The following MCTP1 variants were observed in gnomAD, a reference collection of about 807,000 sequenced individuals.
The protein encoded by MCTP1 is multiple C2 and transmembrane domain containing 1, also known as multiple C2 and transmembrane domain-containing protein 1.
In MCTP1, 69 loss-of-function variants were observed where a neutral mutation model predicts 120.6. The observed-to-expected ratio is 0.57, with a 90% CI of 0.47 to 0.70. MCTP1 has a LOEUF of 0.70. Ranked by LOEUF, MCTP1 falls within the 30% of genes least tolerant of loss-of-function variation. The pLI is 0.00. For missense variants in MCTP1, 1,203 were observed against 1,248.8 expected (o/e 0.96, Z 0.55); for synonymous variants, 529 against 493.1 (o/e 1.07, Z -0.96).
chr5:94,844,298 T>C (rs1791798165), intron 17 of MCTP1, among the ~76,000 whole-genome samples: 1 of 21,082 alleles, frequency 4.7e-5, no homozygotes, highest in African/African-American at 1.1e-4. Context: ...TGAGACTCTG[T>C]CTCAAAAAAA....
At chr5:95,233,959 T>C (rs1174579289) in intron 1 of MCTP1, among the ~76,000 whole-genome samples, 1 of 150,872 alleles carries the variant, frequency 6.6e-6, no homozygotes, top group Non-Finnish European at 1.5e-5. Flanking sequence ...AAAAGCTAGG[T>C]TTTTGAGACT....
intron 1 of MCTP1, among the ~76,000 whole-genome samples, chr5:95,201,463 G>GTTTTTTTTTTTTTTTT: frequency 1.7e-5 from 2 of 120,682 alleles, no homozygotes; most frequent in Non-Finnish European, 3.5e-5. Context: ...AAGGAAAAGT[G>GTTTTTTTTTTTTTTTT]GTTTTTTTTT....
intron 21 of MCTP1, 161 bp from the exon 22 acceptor site, chr5:94,708,770 T>C (rs1161357727): frequency 3.6e-6 from 2 of 552,608 alleles, no homozygotes; most frequent in Admixed American, 3.1e-5. Flanking sequence ...CCAGCTCAAC[T>C]GCTTTTTTTA....
intron 1 of MCTP1, among the ~76,000 whole-genome samples, chr5:95,026,412 G>C (rs895298491): frequency 3.2e-4 from 49 of 151,412 alleles, no homozygotes; most frequent in Non-Finnish European, 5.9e-4. Context: ...ACTACTTTTT[G>C]TACCCATTAA....
At chr5:95,095,556 A>G (rs1272715129) in intron 1 of MCTP1, among the ~76,000 whole-genome samples, 1 of 152,200 alleles carries the variant, frequency 6.6e-6, no homozygotes, top group East Asian at 1.9e-4. Context: ...AGGGGATTAC[A>G]AAAATAACTG....
chr5:94,905,243 G>A (rs1041956951), intron 10 of MCTP1, among the ~76,000 whole-genome samples: 2 of 151,994 alleles, frequency 1.3e-5, no homozygotes, highest in Middle Eastern at 3.2e-3. Context: ...GACGGGGATA[G>A]GCAGAATAGC....
intron 1 of MCTP1, chr5:95,068,939 A>G (rs1413623373): frequency 7.6e-6 from 3 of 395,696 alleles, no homozygotes; most frequent in Non-Finnish European, 1.2e-5. Flanking sequence ...TTCCAGGGGA[A>G]GATTGTGAGC....
intron 1 of MCTP1, among the ~76,000 whole-genome samples, chr5:95,190,218 G>A (rs1169235584): frequency 6.6e-6 from 1 of 152,068 alleles, no homozygotes; most frequent in East Asian, 1.9e-4. Flanking sequence ...ATGCCTTGTG[G>A]AACTGCCATG....
chr5:95,088,883 A>G lies in MCTP1; in HGVS notation c.721-71399T>C, dbSNP rs546336287. On this transcript the variant is annotated intron_variant, in intron 1 of 22. Transcript: ENST00000515393. ...GGGACATAATCAGGATTCAAACTCCATCATTTGGGCTCCAGAGTACGCATT... is the reference window on the plus strand; with the variant it reads ...GGGACATAATCAGGATTCAAACTCCGTCATTTGGGCTCCAGAGTACGCATT... Among the ~76,000 whole-genome samples, 14 of 152,318 alleles carry G rather than the reference A, an allele frequency of 9.2e-5. No individual in the cohort carries two copies. The South Asian group carries it at 2.9e-3, about 32-fold the overall frequency.
At chr5:94,713,600 G>A (rs1442285749) in intron 20 of MCTP1, among the ~76,000 whole-genome samples, 2 of 152,156 alleles carry the variant, frequency 1.3e-5, no homozygotes, top group African/African-American at 2.4e-5. Context: ...AGTGGATAGC[G>A]TGTGGAGGAC....
At chr5:95,097,020 T>A (rs1756319930) in intron 1 of MCTP1, among the ~76,000 whole-genome samples, 1 of 152,200 alleles carries the variant, frequency 6.6e-6, no homozygotes, top group South Asian at 2.1e-4. Context: ...ACACAGAGAT[T>A]CCTATTCTAT....
At chr5:95,110,338 G>GT (rs998831352) in intron 1 of MCTP1, among the ~76,000 whole-genome samples, 11 of 152,056 alleles carry the variant, frequency 7.2e-5, no homozygotes, top group African/African-American at 2.7e-4. Flanking sequence ...TCAGTGGAGT[G>GT]TAAGTATTAG....
intron 1 of MCTP1, among the ~76,000 whole-genome samples, chr5:95,188,808 T>TACAC (rs897631771): frequency 5.3e-5 from 8 of 152,086 alleles, no homozygotes; most frequent in African/African-American, 1.7e-4. Context: ...GAACTAAATA[T>TACAC]ACACACACAC....
intron 1 of MCTP1, among the ~76,000 whole-genome samples, chr5:95,125,419 C>T (rs142434349): frequency 2.2e-4 from 34 of 152,284 alleles, no homozygotes; most frequent in African/African-American, 7.5e-4. Context: ...TGAGTCTCCA[C>T]GCCTTTTCTC....
intron 1 of MCTP1, among the ~76,000 whole-genome samples, chr5:95,125,730 A>C (rs79888344): frequency 0.13 from 20,107 of 152,224 alleles, 1,522 homozygotes; most frequent in East Asian, 0.28. Context: ...TTGAAATAGT[A>C]CTTGGAACAC....
chr5:94,732,155 G>A (rs1389829352), intron 19 of MCTP1, among the ~76,000 whole-genome samples: 2 of 152,166 alleles, frequency 1.3e-5, no homozygotes, highest in Non-Finnish European at 1.5e-5. Context: ...AGGATTCATT[G>A]ACAGGCAGTG....
intron 10 of MCTP1, among the ~76,000 whole-genome samples, chr5:94,896,521 C>A (rs372895420): frequency 1.3e-5 from 2 of 151,552 alleles, no homozygotes; most frequent in Admixed American, 6.6e-5. Context: ...GAAGGATTTT[C>A]TTCTATGCCC....
At chr5:94,793,083 A>G (rs1779311039) in intron 18 of MCTP1, among the ~76,000 whole-genome samples, 3 of 152,146 alleles carry the variant, frequency 2.0e-5, no homozygotes, top group Non-Finnish European at 2.9e-5. Context: ...GAAATTTGCA[A>G]AGTGGAAGGC....
At chr5:95,169,345 G>T (rs181611458) in intron 1 of MCTP1, among the ~76,000 whole-genome samples, 96 of 152,294 alleles carry the variant, frequency 6.3e-4, no homozygotes, top group Non-Finnish European at 1.2e-3. Flanking sequence ...AGGGATATTG[G>T]TCTATAATTC....
Sources: allele counts gnomAD v4.1 joint callset (sites outside exome capture counted in the v4.1 genomes callset), GRCh38; gene constraint gnomAD v4.1.1; transcripts MANE v1.5; gene names NCBI Gene and HGNC (gene_info 2026-07-23, HGNC 2026-07-21).